Variants in HYDIN observed in about 807,000 individuals in gnomAD.
HYDIN encodes HYDIN axonemal central pair apparatus protein.
In HYDIN, 132 loss-of-function variants were observed where a neutral mutation model predicts 403.9. The ratio of observed to expected loss-of-function variants is 0.33; its 90% confidence interval spans 0.28 to 0.38. The LOEUF is 0.38. HYDIN is among the 10% of genes least tolerant of loss of function. The pLI is 1.00. For synonymous variants in HYDIN, 1,202 were observed against 1,891.7 expected (o/e 0.64, Z 9.46); for missense variants, 2,827 against 5,009.5 (o/e 0.56, Z 13.15).
intron 45 of HYDIN, among the ~76,000 whole-genome samples, chr16:70,923,104 G>A (rs1331344416): frequency 7.3e-5 from 11 of 150,424 alleles, no homozygotes; most frequent in Admixed American, 1.3e-4. Flanking sequence ...AAAGAAAAAC[G>A]ATTGAAAATT....
chr16:70,996,835 C>A (rs556813346), intron 23 of HYDIN, among the ~76,000 whole-genome samples: 148 of 149,274 alleles, frequency 9.9e-4, no homozygotes, highest in South Asian at 3.7e-3. Context: ...TCATGGAAGA[C>A]AATTTTTCCA....
At chr16:71,098,810 T>C (rs1258181481) in intron 10 of HYDIN, among the ~76,000 whole-genome samples, 1 of 148,998 alleles carries the variant, frequency 6.7e-6, no homozygotes, top group Non-Finnish European at 1.5e-5. Flanking sequence ...AGTTATTAAT[T>C]ACTTCAAAGG....
chr16:71,055,744 G>T (rs1231129949), intron 18 of HYDIN, among the ~76,000 whole-genome samples: 1 of 151,922 alleles, frequency 6.6e-6, no homozygotes, highest in African/African-American at 2.4e-5. Flanking sequence ...CACGGAGGCA[G>T]AAGGCCACTA....
At chr16:70,841,198 G>C (rs1770407) in intron 75 of HYDIN, among the ~76,000 whole-genome samples, 2 of 152,122 alleles carry the variant, frequency 1.3e-5, no homozygotes, top group Admixed American at 6.6e-5. Context: ...GGATATGCAG[G>C]TTTGTTACAC....
At chr16:70,812,952 A>G (rs1326856582) in intron 84 of HYDIN, among the ~76,000 whole-genome samples, 3 of 151,898 alleles carry the variant, frequency 2.0e-5, no homozygotes, top group African/African-American at 7.3e-5. Context: ...TGTGGCTTCT[A>G]TTCTTTTTTT....
chr16:70,912,117 T>C (rs2076712623), intron 47 of HYDIN, among the ~76,000 whole-genome samples: 1 of 149,078 alleles, frequency 6.7e-6, no homozygotes, highest in Non-Finnish European at 1.5e-5. Flanking sequence ...TCTTGTCTGA[T>C]TGTTATGGCG....
chr16:71,002,354 T>G (rs1246692908), intron 23 of HYDIN, among the ~76,000 whole-genome samples: 1 of 152,130 alleles, frequency 6.6e-6, no homozygotes, highest in East Asian at 1.9e-4. Flanking sequence ...GAGACCAGCC[T>G]TGGCAACATA....
chr16:70,872,288 T>C (rs1429129364), intron 64 of HYDIN, 109 bp from the exon 65 acceptor site: 2 of 539,936 alleles, frequency 3.7e-6, no homozygotes, highest in African/African-American at 4.2e-5. Flanking sequence ...CATCCTTGGA[T>C]GGCTATATTT....
intron 40 of HYDIN, 140 bp downstream of exon 40, chr16:70,955,235 C>T (rs1484349397): frequency 4.2e-6 from 2 of 475,884 alleles, no homozygotes; most frequent in African/African-American, 4.0e-5. Context: ...CTCCTCTGGG[C>T]TATGAAGTTG....
At chr16:70,808,740 C>T (rs868467220) in intron 85 of HYDIN, among the ~76,000 whole-genome samples, 4 of 152,236 alleles carry the variant, frequency 2.6e-5, no homozygotes, top group Middle Eastern at 3.2e-3. Flanking sequence ...TTTACCTGGG[C>T]ATGTGACTGC....
chr16:70,975,981 G>A (rs1188083133), intron 30 of HYDIN, among the ~76,000 whole-genome samples: 13 of 139,368 alleles, frequency 9.3e-5, no homozygotes, highest in African/African-American at 2.4e-4. Context: ...TCTTTGACAC[G>A]TAATCAACAA....
Position 70,832,958 on chromosome 16 carries a change from C to A in HYDIN, c.13789G>T (p.Glu4597Ter). 1 of 1,614,150 alleles carries A rather than the reference C, an allele frequency of 6.2e-7. No individual in the cohort carries two copies. Among genetic ancestry groups the A allele is most frequent in the Non-Finnish European group, 8.5e-7 (1 of 1,179,982 alleles). ...VSFEVTYHPT[E>*]VGKESLCKNI... ...TTACAAAGGCTCTCCTTTCCCACCTCGGTGGGATGGTAGGTCACTTCAAAA... is the reference window on the plus strand; with the variant it reads ...TTACAAAGGCTCTCCTTTCCCACCTAGGTGGGATGGTAGGTCACTTCAAAA... The change falls in exon 80 of 86, where the codon GAG becomes TAG. Residue 4597 changes from glutamate to a stop codon, truncating the protein, a stop_gained. Coordinates refer to ENST00000393567, the MANE Select transcript of HYDIN (RefSeq NM_001270974.2). LOFTEE classifies it high-confidence loss of function.
In HYDIN at chr16:71,230,632, A is replaced by C. The variant is rs996230238; in HGVS notation, c.-94T>G. ...CCAAGACCCCGCGTCCAACTCACAG[A>C]CCCCGCCGCCGCTGAGGGGCTCCAT... On this transcript the variant is annotated 5_prime_UTR_variant, in exon 1 of 86. Transcript: ENST00000393567. 1 of 1,535,562 alleles carries C rather than the reference A, an allele frequency of 6.5e-7. No homozygotes were observed. The highest frequency in any genetic ancestry group is 8.7e-7 in the Non-Finnish European group (1 of 1,146,778).
intron 1 of HYDIN, among the ~76,000 whole-genome samples, chr16:71,212,218 C>A (rs542404093): frequency 1.1e-4 from 17 of 152,192 alleles, no homozygotes; most frequent in Admixed American, 2.6e-4. Flanking sequence ...AATTTGTAGG[C>A]TGTGATAACA....
intron 24 of HYDIN, 30 bp from the exon 25 acceptor site, chr16:70,991,426 A>C: frequency 2.5e-6 from 4 of 1,608,766 alleles, no homozygotes; most frequent in Non-Finnish European, 2.5e-6. Context: ...GCAGAGATTC[A>C]CTCATTGGGC....
intron 41 of HYDIN, among the ~76,000 whole-genome samples, chr16:70,946,812 C>T (rs1264291468): frequency 2.0e-5 from 3 of 151,974 alleles, no homozygotes; most frequent in Non-Finnish European, 4.4e-5. Flanking sequence ...GCTGAGGAGG[C>T]CATGAAATTG....
intron 47 of HYDIN, among the ~76,000 whole-genome samples, chr16:70,913,341 G>T (rs915104161): frequency 6.6e-6 from 1 of 151,800 alleles, no homozygotes; most frequent in Non-Finnish European, 1.5e-5. Flanking sequence ...GTGTCATTCA[G>T]TTCTATGAAG....
rs1042821958 is a variant in HYDIN, at chr16:71,178,025, G to C, written c.381+903C>G. ...TGAAGGCTATCTTCTACAGAAAGAA[G>C]AAGACAGAAAAAAAGGAAAGGGACC... On this transcript the variant is annotated intron_variant, in intron 4 of 85. Transcript: ENST00000393567. 3.3e-5 allele frequency among the ~76,000 whole-genome samples: 5 copies of C among 151,940 alleles called. No homozygotes were observed. In the South Asian group the frequency reaches 6.2e-4, roughly 19 times the overall value.
intron 12 of HYDIN, among the ~76,000 whole-genome samples, chr16:71,084,904 T>C (rs1400201863): frequency 2.0e-5 from 3 of 151,930 alleles, no homozygotes; most frequent in Non-Finnish European, 4.4e-5. Flanking sequence ...ATTACATTGA[T>C]TGATTTTCTT....
Sources: gnomAD v4.1 joint callset for allele counts (sites outside exome capture counted in the v4.1 genomes callset) on GRCh38, gnomAD v4.1.1 for gene constraint, MANE v1.5 for transcripts, NCBI Gene and HGNC (gene_info 2026-07-23, HGNC 2026-07-21) for gene names.